The following FGD1 variants were observed in gnomAD, a reference collection of about 807,000 sequenced individuals.
The protein encoded by FGD1 is FYVE, RhoGEF and PH domain containing 1, also known as FYVE, RhoGEF and PH domain-containing protein 1.
A neutral mutation model predicts 65.0 loss-of-function variants in FGD1; 12 were observed. The ratio of observed to expected loss-of-function variants is 0.18; its 90% CI spans 0.12 to 0.30. The LOEUF is 0.30. Among genes scored for constraint, FGD1 ranks in the 10% least tolerant of loss-of-function variants. FGD1 has a pLI of 1.00. For missense variants in FGD1, 542 were observed against 837.6 expected (o/e 0.65, Z 4.36); for synonymous variants, 333 against 343.9 (o/e 0.97, Z 0.35).
intron 8 of FGD1, among the ~76,000 whole-genome samples, chrX:54,460,876 C>G (rs769712707): frequency 1.8e-5 from 2 of 112,763 alleles, no homozygotes; most frequent in Admixed American, 1.9e-4. Flanking sequence ...ATTTATTGAG[C>G]CTTTACCATG....
At chrX:54,489,493 G>C (rs1923367030) in intron 1 of FGD1, among the ~76,000 whole-genome samples, 1 of 111,424 alleles carries the variant, frequency 9.0e-6, no homozygotes, top group African/African-American at 3.3e-5. Flanking sequence ...GCTGAGGTGG[G>C]AGAATTGCTT....
intron 1 of FGD1, among the ~76,000 whole-genome samples, chrX:54,481,769 G>C (rs1415765846): frequency 1.9e-5 from 2 of 108,100 alleles, no homozygotes; most frequent in Non-Finnish European, 3.8e-5. Flanking sequence ...AAGAAGAGTG[G>C]GCAAAAGTGT....
intron 8 of FGD1, among the ~76,000 whole-genome samples, chrX:54,462,946 G>A (rs1194464232): frequency 2.7e-5 from 3 of 109,144 alleles, no homozygotes; most frequent in African/African-American, 1.0e-4. Context: ...TGTATTTTCA[G>A]TACAGACAGG....
intron 17 of FGD1, 49 bp from the exon 18 acceptor site, chrX:54,446,463 C>T (rs1015120087): frequency 2.7e-6 from 3 of 1,124,801 alleles, no homozygotes; most frequent in Non-Finnish European, 3.6e-6. Flanking sequence ...CTAGACCTTT[C>T]CCCCGCCCCA....
chrX:54,460,712 G>C (rs983207572), intron 8 of FGD1, among the ~76,000 whole-genome samples: 2 of 112,105 alleles, frequency 1.8e-5, no homozygotes, highest in Non-Finnish European at 3.8e-5. Flanking sequence ...CTGCAGTCCA[G>C]CCTGGGCGAC....
chrX:54,491,345 G>A (rs1384954342), intron 1 of FGD1, among the ~76,000 whole-genome samples: 1 of 112,274 alleles, frequency 8.9e-6, no homozygotes, highest in African/African-American at 3.2e-5. Flanking sequence ...ACTGCCAAAT[G>A]GTAGCCATTC....
chrX:54,449,652 C>T lies in FGD1; in HGVS notation c.2148+7G>A. 5.2e-6 allele frequency: 6 copies of T among 1,155,619 alleles called. No individual in the cohort carries two copies. Among genetic ancestry groups the T allele is most frequent in the Non-Finnish European group, 7.1e-6 (6 of 848,423 alleles). On this transcript the variant is annotated splice_region_variant and intron_variant, in intron 14 of 17. Transcript: ENST00000375135. ...CAGTGCAGGGGAAAGAGGGCGGGGA[C>T]TCTTACTGGAGAGTTGGGTGGGGTG...
intron 16 of FGD1, among the ~76,000 whole-genome samples, chrX:54,448,319 T>C (rs1462425063): frequency 9.0e-6 from 1 of 110,592 alleles, no homozygotes; most frequent in African/African-American, 3.3e-5. Context: ...CCCAAGTAGC[T>C]GGGATTGCAG....
At chrX:54,466,809 GTA>G (rs777617198) in intron 6 of FGD1, among the ~76,000 whole-genome samples, 5,681 of 107,630 alleles carry the variant, frequency 0.053, 143 homozygotes, top group South Asian at 0.11. Context: ...GAGTGCAGTG[GTA>G]CGATCTCGGC....
intron 12 of FGD1, among the ~76,000 whole-genome samples, chrX:54,452,474 G>A (rs1922402375): frequency 9.0e-6 from 1 of 110,658 alleles, no homozygotes; most frequent in African/African-American, 3.3e-5. Flanking sequence ...GGGACCAGGC[G>A]TGGTGGCTCA....
intron 8 of FGD1, among the ~76,000 whole-genome samples, chrX:54,461,822 G>A (rs1236275220): frequency 1.8e-5 from 2 of 108,449 alleles, no homozygotes; most frequent in African/African-American, 6.7e-5. Flanking sequence ...AGTCTTTTAA[G>A]TTCAGGCTGA....
In FGD1 at chrX:54,470,701, G is replaced by T; in HGVS notation, c.541C>A (p.Pro181Thr). 2.0e-6 allele frequency: 2 copies of T among 993,340 alleles called. No homozygotes were observed. The highest frequency in any genetic ancestry group is 2.8e-6 in the Non-Finnish European group (2 of 711,542). The allele number at this position is 993,340 out of a possible 1,213,427, so 81.9% of individuals were successfully genotyped here. Residue 181 changes from proline to threonine, a missense_variant, in exon 3 of 18, where the codon CCC (proline) becomes ACC (threonine). Around this residue, in one of 6 missense-constraint regions of FGD1, gnomAD observed 297 missense variants for 326.8 expected, o/e 0.91. Coordinates refer to ENST00000375135, the MANE Select transcript of FGD1 (RefSeq NM_004463.3). ...PRMPPPLEPI[P>T]PPPSRPLPAD... ...GGCAGTGGGCGTGATGGTGGAGGGG[G>T]GATGGGCTCCAGTGGGGGGGGCATC...
At position 54,448,674 on chromosome X, in the gene FGD1, A is replaced by G. The variant is rs1922301421; in HGVS notation, c.2436+132T>C. 5 of 608,241 alleles carry G rather than the reference A, an allele frequency of 8.2e-6. No homozygotes were observed. The South Asian group carries it at 1.2e-4, about 14-fold the overall frequency. 50.1% of individuals were successfully genotyped at this position (608,241 alleles called of 1,213,427 possible). On this transcript the variant is annotated intron_variant, in intron 16 of 17. Transcript: ENST00000375135. ...CTGTCTTTCATTCACTCTTGCCGTC[A>G]TTTTATTCACTCCAAGCCTGGGTCC... is the stretch of plus-strand genomic sequence containing the variant.
At chrX:54,490,286 T>C (rs889997081) in intron 1 of FGD1, among the ~76,000 whole-genome samples, 13 of 111,218 alleles carry the variant, frequency 1.2e-4, no homozygotes, top group Non-Finnish European at 2.1e-4. Context: ...CCCCCTGACA[T>C]GCAGTTTACC....
intron 1 of FGD1, among the ~76,000 whole-genome samples, chrX:54,486,667 C>T (rs182271202): frequency 1.0e-4 from 11 of 108,761 alleles, no homozygotes; most frequent in African/African-American, 3.3e-4. Flanking sequence ...TGGCGTGTGC[C>T]ACCGTGCCCG....
At chrX:54,486,408 C>G (rs1403483835) in intron 1 of FGD1, among the ~76,000 whole-genome samples, 4 of 111,008 alleles carry the variant, frequency 3.6e-5, no homozygotes, top group South Asian at 3.8e-4. Flanking sequence ...GCCACCACGC[C>G]CAGCTAATTT....
chrX:54,482,236 G>GCACACACACACACA (rs759070309), intron 1 of FGD1, among the ~76,000 whole-genome samples: 1,312 of 99,359 alleles, frequency 0.013, 29 homozygotes, highest in African/African-American at 0.04. Context: ...GCACACGCGC[G>GCACACACACACACA]CACACACACA....
chrX:54,446,199 A>G lies in FGD1; in HGVS notation c.2796T>C (p.Ser932=). ...GDTFCPGPTL[S]EDREMEEAPV... ...GTGCCTCCTCCATCTCCCTGTCCTC[A>G]GACAGTGTGGGCCCCGGGCAGAACG... The change falls in exon 18 of 18, where the codon TCT becomes TCC. Residue 932 remains serine, a synonymous_variant. Transcript: ENST00000375135. The G allele has an allele frequency of 8.3e-7, 1 of 1,211,635 alleles. No homozygotes were observed. The highest frequency in any genetic ancestry group is 1.1e-6 in the Non-Finnish European group (1 of 895,314).
intron 6 of FGD1, among the ~76,000 whole-genome samples, chrX:54,467,568 C>A (rs1472483718): frequency 9.0e-6 from 1 of 111,016 alleles, no homozygotes; most frequent in Admixed American, 9.7e-5. Context: ...GTTGGCCAGG[C>A]TGTTCTCGAA....
Sources: gnomAD v4.1 joint callset for allele counts (sites outside exome capture counted in the v4.1 genomes callset) on GRCh38, gnomAD v4.1.1 for gene constraint, gnomAD v4.1.1 regional missense constraint, MANE v1.5 for transcripts, NCBI Gene and HGNC (gene_info 2026-07-23, HGNC 2026-07-21) for gene names.